The following NFIC variants were observed in gnomAD, a reference collection of about 807,000 sequenced individuals.
NFIC encodes nuclear factor I C.
Under a neutral mutation model 54.4 loss-of-function variants are expected in NFIC, and 12 were observed. The ratio of observed to expected loss-of-function variants is 0.22; its 90% CI spans 0.14 to 0.36. The LOEUF (loss-of-function observed/expected upper bound fraction) is 0.36, where lower values mean the gene tolerates loss of function less well. Ranked by LOEUF, NFIC falls within the 10% of genes least tolerant of loss-of-function variation. The pLI is 1.00. For synonymous variants in NFIC, 322 were observed against 319.2 expected, an observed-to-expected ratio of 1.01 and a Z score of -0.09; for missense variants, 575 against 718.2, an observed-to-expected ratio of 0.80 and a Z score of 2.28.
chr19:3,411,271 T>G (rs899193186), intron 2 of NFIC: 1 of 149,654 alleles, frequency 6.7e-6, no homozygotes, highest in Non-Finnish European at 1.5e-5. Context: ...CCTCCCTCCT[T>G]GACCTTCCAA....
At chr19:3,436,934 A>C (rs922878235) in intron 6 of NFIC, among the ~76,000 whole-genome samples, 5 of 152,158 alleles carry the variant, frequency 3.3e-5, no homozygotes, top group Non-Finnish European at 7.3e-5. Context: ...CAGTTTCTTC[A>C]TCTCCACAAT....
In NFIC at chr19:3,463,538, C is replaced by CCGACT. The variant is rs1599738034; in HGVS notation, c.*772_*776dup. ...CCACAAGCCCCTCCCAAAGCGCCGG[C>CCGACT]CGACTCGCTGTCTCGCTGGGGACTC... On this transcript the variant is annotated 3_prime_UTR_variant, in exon 11 of 11. Transcript: ENST00000443272. 9.1e-6 allele frequency: 9 copies of CCGACT among 984,858 alleles called. No individual in the cohort carries two copies. The East Asian group carries it at 1.0e-3, about 113-fold the overall frequency. 61.0% of individuals were successfully genotyped at this position (984,858 alleles called of 1,614,324 possible).
intron 2 of NFIC, among the ~76,000 whole-genome samples, chr19:3,386,868 C>G (rs572245256): frequency 5.6e-4 from 86 of 152,292 alleles, no homozygotes; most frequent in African/African-American, 2.0e-3. Flanking sequence ...TGTGAGGGCC[C>G]CACAGGCTGA....
At chr19:3,410,046 T>C (rs1220125767) in intron 2 of NFIC, among the ~76,000 whole-genome samples, 1 of 756 alleles carries the variant, frequency 1.3e-3, no homozygotes, top group Non-Finnish European at 3.0e-3. Context: ...CGTCTCTACT[T>C]TTTTTTTTTC....
At chr19:3,367,179 C>T (rs1353354733) in intron 1 of NFIC, among the ~76,000 whole-genome samples, 1 of 152,214 alleles carries the variant, frequency 6.6e-6, no homozygotes, top group Admixed American at 6.5e-5. Flanking sequence ...TTGTGCGGGC[C>T]GCCCTGGCCC....
At chr19:3,425,415 G>A (rs931433196) in intron 3 of NFIC, among the ~76,000 whole-genome samples, 2 of 152,200 alleles carry the variant, frequency 1.3e-5, no homozygotes, top group Non-Finnish European at 2.9e-5. Context: ...GGGTTCTACG[G>A]TCCCATGGGA....
At chr19:3,416,423 G>T (rs1046799891) in intron 2 of NFIC, among the ~76,000 whole-genome samples, 4 of 149,778 alleles carry the variant, frequency 2.7e-5, no homozygotes, top group Non-Finnish European at 5.9e-5. Context: ...TGCCATATAG[G>T]TATATAAAAT....
intron 2 of NFIC, among the ~76,000 whole-genome samples, chr19:3,413,713 C>A (rs1416068804): frequency 1.3e-5 from 2 of 152,112 alleles, no homozygotes; most frequent in African/African-American, 4.8e-5. Flanking sequence ...GATCTTGGCT[C>A]ACTGCAGCCA....
At chr19:3,405,326 G>A (rs2081630815) in intron 2 of NFIC, among the ~76,000 whole-genome samples, 1 of 152,190 alleles carries the variant, frequency 6.6e-6, no homozygotes, top group Admixed American at 6.5e-5. Context: ...GGGCGGGCGG[G>A]GAGTGCGGAG....
In NFIC at chr19:3,465,783, C is replaced by CTGGG. The variant is rs2082710564; in HGVS notation, c.*3014_*3015insTGGG. ...CCAACCATGGGGTGGCCACTCCACCCGCAGCCAGACTCCCCGCTCCCCACT... is the reference window on the plus strand; with the variant it reads ...CCAACCATGGGGTGGCCACTCCACCCTGGGGCAGCCAGACTCCCCGCTCCCCACT... On this transcript the variant is annotated 3_prime_UTR_variant, in exon 11 of 11. Coordinates refer to ENST00000443272, the MANE Select transcript of NFIC (RefSeq NM_001245002.2). The CTGGG allele has an allele frequency of 6.6e-6, 1 of 152,328 alleles. No individual in the cohort carries two copies. The highest frequency in any genetic ancestry group is 6.5e-5 in the Admixed American group (1 of 15,284). The allele number at this position is 152,328 out of a possible 1,614,324, so 9.4% of individuals were successfully genotyped here.
chr19:3,464,057 C>T lies in NFIC; in HGVS notation c.*1288C>T. ...TGCCCTGCCGGGGCGCGGGGGTGGG[C>T]TCTGGGGAAGCCGGTGCGCCCCCCA... On this transcript the variant is annotated 3_prime_UTR_variant, in exon 11 of 11. Transcript: ENST00000443272. 1.0e-6 allele frequency: 1 copy of T among 985,212 alleles called. No homozygotes were observed. Among genetic ancestry groups the T allele is most frequent in the Non-Finnish European group, 1.2e-6 (1 of 829,926 alleles). 61.0% of individuals were successfully genotyped at this position (985,212 alleles called of 1,614,324 possible). A position where few individuals can be genotyped will look rare whatever the true frequency, so the allele number is the denominator to read the frequency against.
rs1021187435 is a variant in NFIC, at chr19:3,445,869, C to T, written c.959-3145C>T. On this transcript the variant is annotated intron_variant, in intron 6 of 10. Transcript: ENST00000443272. ...AACCACCAGCAGGAGACCCAAGACA[C>T]GGTGACATCCTCACCGTTTCTCATC... is the stretch of plus-strand genomic sequence containing the variant. 3.3e-5 allele frequency among the ~76,000 whole-genome samples: 5 copies of T among 152,168 alleles called. No individual in the cohort carries two copies. The East Asian group carries it at 5.8e-4, about 18-fold the overall frequency.
In NFIC at chr19:3,464,557, T is replaced by C; in HGVS notation, c.*1788T>C. 1 of 673,410 alleles carries C rather than the reference T, an allele frequency of 1.5e-6. No homozygotes were observed. Among genetic ancestry groups the C allele is most frequent in the Non-Finnish European group, 1.7e-6 (1 of 594,446 alleles). The allele number at this position is 673,410 out of a possible 1,614,324, so 41.7% of individuals were successfully genotyped here. A position where few individuals can be genotyped will look rare whatever the true frequency, so the allele number is the denominator to read the frequency against. On this transcript the variant is annotated 3_prime_UTR_variant, in exon 11 of 11. Transcript: ENST00000443272. ...CCAGCCCAGCCCCAACTGACCTCCATGCCTAGGGAAAAACTCCCCCCACCA... is the reference window on the plus strand; with the variant it reads ...CCAGCCCAGCCCCAACTGACCTCCACGCCTAGGGAAAAACTCCCCCCACCA...
At chr19:3,374,844 G>C (rs2392651) in intron 1 of NFIC, among the ~76,000 whole-genome samples, 149,942 of 152,256 alleles carry the variant, frequency 0.98, 73,842 homozygotes, top group East Asian at 1. Flanking sequence ...TGCCTCTCAC[G>C]TGGTCTGATC....
chr19:3,382,163 T>C lies in NFIC; in HGVS notation c.482T>C (p.Val161Ala). The change falls in exon 2 of 11, where the codon GTC (valine) becomes GCC (alanine). Residue 161 changes from valine (V) to alanine (A), a missense_variant. This residue lies in a region of NFIC where 447 missense variants were observed against 526.9 expected (regional missense o/e 0.85). Coordinates refer to ENST00000443272, the MANE Select transcript of NFIC (RefSeq NM_001245002.2). ...LVKAAQCGHP[V>A]LCVQPHHIGV... ...AAGGCTGCGCAGTGCGGTCACCCGG[T>C]CCTGTGCGTGCAGCCGCACCACATT... The C allele has an allele frequency of 6.2e-7, 1 of 1,612,872 alleles. No homozygotes were observed. Among genetic ancestry groups the C allele is most frequent in the South Asian group, 1.1e-5 (1 of 91,070 alleles).
chr19:3,402,012 G>A (rs1042290762), intron 2 of NFIC, among the ~76,000 whole-genome samples: 14 of 151,174 alleles, frequency 9.3e-5, no homozygotes, highest in Admixed American at 4.6e-4. Flanking sequence ...GTGAACCACC[G>A]TACCCAGCCT....
chr19:3,360,364 G>A (rs907647627), intron 1 of NFIC, among the ~76,000 whole-genome samples: 1 of 150,392 alleles, frequency 6.6e-6, no homozygotes, highest in East Asian at 2.0e-4. Context: ...CCGCGCGCGC[G>A]GGGTCCCCAG....
At chr19:3,408,894 T>C (rs527720304) in intron 2 of NFIC, among the ~76,000 whole-genome samples, 92 of 152,266 alleles carry the variant, frequency 6.0e-4, no homozygotes, top group African/African-American at 2.0e-3. Flanking sequence ...GACACCCGGC[T>C]AATTTTTAAA....
In NFIC at chr19:3,447,633, C is replaced by T. The variant is rs530155339; in HGVS notation, c.959-1381C>T. Among the ~76,000 whole-genome samples, 43 of 152,364 alleles carry T rather than the reference C, an allele frequency of 2.8e-4. 1 individual carries two copies. In the East Asian group the frequency reaches 7.3e-3, roughly 26 times the overall value. On this transcript the variant is annotated intron_variant, in intron 6 of 10. Transcript: ENST00000443272. ...CCATGGGCTTCACCTGCACAGGCAC[C>T]CCTGGCCCAATCCTCACAGCTGCCA...
Sources: gnomAD v4.1 joint callset for allele counts (sites outside exome capture counted in the v4.1 genomes callset) on GRCh38, gnomAD v4.1.1 for gene constraint, gnomAD v4.1.1 regional missense constraint, MANE v1.5 for transcripts, NCBI Gene and HGNC (gene_info 2026-07-23, HGNC 2026-07-21) for gene names.